Variants in RBFOX1 observed in about 807,000 individuals in gnomAD.
RBFOX1 encodes the protein RNA binding protein fox-1 homolog 1.
Under a neutral mutation model 57.7 loss-of-function variants are expected in RBFOX1, and 8 were observed. The observed-to-expected ratio is 0.14, with a 90% CI of 0.08 to 0.25. The LOEUF is 0.25. RBFOX1 is among the 10% of genes least tolerant of loss of function. The probability of loss-of-function intolerance (pLI) is 1.00; values close to 1 mark genes in which losing one functional copy is unlikely to be tolerated. For missense variants in RBFOX1, 611 were observed against 548.5 expected (o/e 1.11, Z -1.14); for synonymous variants, 326 against 222.4 (o/e 1.47, Z -4.15).
At chr16:5,733,691 C>T (rs1285546928) in intron 3 of RBFOX1, among the ~76,000 whole-genome samples, 1 of 152,106 alleles carries the variant, frequency 6.6e-6, no homozygotes, top group Non-Finnish European at 1.5e-5. Flanking sequence ...TTCCCTTCTC[C>T]TGGCTTCCTT....
intron 3 of RBFOX1, among the ~76,000 whole-genome samples, chr16:5,800,792 G>T (rs8059231): frequency 0.58 from 88,192 of 151,952 alleles, 27,887 homozygotes; most frequent in African/African-American, 0.86. Context: ...AGACGTCCTA[G>T]TGCCATTGGA....
intron 4 of RBFOX1, among the ~76,000 whole-genome samples, chr16:7,261,025 G>A (rs1371872730): frequency 6.6e-6 from 1 of 152,136 alleles, no homozygotes; most frequent in Non-Finnish European, 1.5e-5. Context: ...TTTCTCCCAA[G>A]CCTACCTTGG....
intron 3 of RBFOX1, among the ~76,000 whole-genome samples, chr16:6,972,331 G>C (rs1389185301): frequency 6.6e-6 from 1 of 151,986 alleles, no homozygotes; most frequent in Non-Finnish European, 1.5e-5. Context: ...CCTTGTATCG[G>C]TGGAATTATA....
In RBFOX1 at chr16:5,776,840, G is replaced by A. The variant is rs1235371514; in HGVS notation, c.319-90463G>A. Among the ~76,000 whole-genome samples the A allele has an allele frequency of 3.9e-5, 6 of 152,192 alleles. No individual in the cohort carries two copies. In the South Asian group the frequency reaches 1.2e-3, roughly 32 times the overall value. On this transcript the variant is annotated intron_variant, in intron 3 of 19. Transcript: ENST00000641259. ...CCCTGTCCAGGAGATTTTGTGTGAT[G>A]ATGGAAGTGTTCTAAATCAGCATCA...
At chr16:6,299,189 T>TGTCC (rs975539185) in intron 1 of RBFOX1, among the ~76,000 whole-genome samples, 1 of 152,200 alleles carries the variant, frequency 6.6e-6, no homozygotes, top group African/African-American at 2.4e-5. Flanking sequence ...AAAATGCAAG[T>TGTCC]GTCCGATGCA....
intron 3 of RBFOX1, among the ~76,000 whole-genome samples, chr16:6,920,989 A>C (rs78419945): frequency 0.022 from 3,280 of 152,254 alleles, 123 homozygotes; most frequent in African/African-American, 0.074. Context: ...TTACTGGATA[A>C]GTTTGCCCTT....
intron 1 of RBFOX1, among the ~76,000 whole-genome samples, chr16:6,313,884 C>A (rs1045066794): frequency 6.6e-6 from 1 of 151,922 alleles, no homozygotes; most frequent in African/African-American, 2.4e-5. Flanking sequence ...TTAGGGTTTT[C>A]TTGCTGTCTG....
chr16:7,597,792 T>G (rs2094785373), intron 9 of RBFOX1, among the ~76,000 whole-genome samples: 1 of 152,254 alleles, frequency 6.6e-6, no homozygotes, highest in African/African-American at 2.4e-5. Context: ...GCTCGTTGAT[T>G]ACTAATCATT....
chr16:5,872,229 G>C (rs941390793), intron 4 of RBFOX1, among the ~76,000 whole-genome samples: 1 of 152,144 alleles, frequency 6.6e-6, no homozygotes, highest in Non-Finnish European at 1.5e-5. Context: ...ATTTAACAAG[G>C]GTCTGTTGAG....
chr16:7,486,553 T>C (rs2065448272), intron 4 of RBFOX1, among the ~76,000 whole-genome samples: 1 of 152,124 alleles, frequency 6.6e-6, no homozygotes, highest in Non-Finnish European at 1.5e-5. Flanking sequence ...TAACAGCATC[T>C]CCCCTGTAGA....
chr16:6,242,808 C>T (rs1036211860), intron 1 of RBFOX1, among the ~76,000 whole-genome samples: 2 of 152,056 alleles, frequency 1.3e-5, no homozygotes, highest in Non-Finnish European at 2.9e-5. Context: ...TTGTTTTAAG[C>T]CCAGATGTCC....
intron 2 of RBFOX1, among the ~76,000 whole-genome samples, chr16:6,569,783 C>T (rs1270218058): frequency 6.6e-6 from 1 of 152,170 alleles, no homozygotes; most frequent in Non-Finnish European, 1.5e-5. Flanking sequence ...AGTGGTTGGC[C>T]AGTGGCTGAA....
intron 4 of RBFOX1, among the ~76,000 whole-genome samples, chr16:7,479,908 C>G (rs75177618): frequency 0.014 from 2,152 of 152,266 alleles, 56 homozygotes; most frequent in African/African-American, 0.049. Flanking sequence ...GAGATTTCCC[C>G]CTTCCCAATT....
At chr16:5,354,169 T>C (rs2065330818) in intron 1 of RBFOX1, among the ~76,000 whole-genome samples, 1 of 152,192 alleles carries the variant, frequency 6.6e-6, no homozygotes, top group South Asian at 2.1e-4. Context: ...GCCAGGCAGG[T>C]GCACTTGCGG....
At chr16:5,747,068 A>C (rs975966684) in intron 3 of RBFOX1, among the ~76,000 whole-genome samples, 5 of 152,088 alleles carry the variant, frequency 3.3e-5, no homozygotes, top group African/African-American at 1.2e-4. Context: ...ATTAATACCT[A>C]ATTTATTGAG....
At position 6,097,644 on chromosome 16, in the gene RBFOX1, A is replaced by G. The variant is rs9806914; in HGVS notation, c.-127+77652A>G. On this transcript the variant is annotated intron_variant, in intron 1 of 15. Transcript: ENST00000550418. The surrounding 1 kb of genome is among the most constrained non-coding windows in gnomAD (Gnocchi z 5.0). ...GAGTCAGTAGGAGGAAAAGTGATTG[A>G]CTCAAGTGCTTAATAAGTGTCTAAG... is the stretch of plus-strand genomic sequence containing the variant. Among the ~76,000 whole-genome samples, 111,378 of 152,054 alleles carry G rather than the reference A, an allele frequency of 0.73. 41,991 individuals are homozygous for G. The highest frequency in any genetic ancestry group is 0.93 in the East Asian group (4,801 of 5,168).
Position 6,771,604 on chromosome 16 carries a change from A to C in RBFOX1, c.-16+116954A>C, listed in dbSNP as rs149132352. Among the ~76,000 whole-genome samples the C allele has an allele frequency of 3.7e-3, 567 of 152,326 alleles. 8 individuals are homozygous for C. The highest frequency in any genetic ancestry group is 0.013 in the African/African-American group (553 of 41,572). On this transcript the variant is annotated intron_variant, in intron 3 of 15. Coordinates refer to ENST00000550418, the MANE Select transcript of RBFOX1 (RefSeq NM_018723.4). Reference sequence around the variant, plus strand: ...TAGTATAGAGAGCTTTCTGATGCCTAACTCAGCAGTTCTCAACTGTGGACA... The same window carrying C: ...TAGTATAGAGAGCTTTCTGATGCCTCACTCAGCAGTTCTCAACTGTGGACA...
intron 4 of RBFOX1, among the ~76,000 whole-genome samples, chr16:7,242,388 G>C (rs2222892): frequency 0.93 from 141,292 of 152,250 alleles, 65,756 homozygotes; most frequent in East Asian, 1. Flanking sequence ...AGCTGTGTGA[G>C]CTTGGGCAAG....
At chr16:6,571,005 C>G (rs2097337396) in intron 2 of RBFOX1, among the ~76,000 whole-genome samples, 1 of 152,104 alleles carries the variant, frequency 6.6e-6, no homozygotes, top group South Asian at 2.1e-4. Flanking sequence ...AATATAGACT[C>G]CTGTGGAACT....
Sources: allele counts gnomAD v4.1 joint callset (sites outside exome capture counted in the v4.1 genomes callset), GRCh38; gene constraint gnomAD v4.1.1; non-coding constraint Gnocchi (gnomAD v3.1); transcripts MANE v1.5; gene names NCBI Gene and HGNC (gene_info 2026-07-23, HGNC 2026-07-21).